Variants in LRRTM4 observed in about 807,000 individuals in gnomAD.
LRRTM4 encodes the protein leucine rich repeat transmembrane neuronal 4.
LRRTM4 carries 25 observed loss-of-function variants against 47.6 expected under a neutral mutation model. That is an observed-to-expected ratio of 0.53 (90% CI 0.38 to 0.73). LRRTM4 has a LOEUF of 0.73. Among genes scored for constraint, LRRTM4 ranks in the 30% least tolerant of loss-of-function variants. LRRTM4 has a pLI of 0.00. For missense variants in LRRTM4, 638 were observed against 713.4 expected, an observed-to-expected ratio of 0.89 and a Z score of 1.20; for synonymous variants, 311 against 269.5, an observed-to-expected ratio of 1.15 and a Z score of -1.51.
At chr2:76,978,350 A>T (rs967057252) in intron 3 of LRRTM4, among the ~76,000 whole-genome samples, 7 of 152,076 alleles carry the variant, frequency 4.6e-5, no homozygotes, top group Non-Finnish European at 1.0e-4. Flanking sequence ...GCTTGGCTTA[A>T]GTTGAAGGAT....
Position 76,826,799 on chromosome 2 carries a change from A to C in LRRTM4, c.1552-77883T>G, listed in dbSNP as rs182216411. ...AGTGTACATTAACCATCCTCTCAAA[A>C]TATCTTCATCTCCTAAGGAAAGCCC... is the stretch of plus-strand genomic sequence containing the variant. On this transcript the variant is annotated intron_variant, in intron 3 of 3. Transcript: ENST00000409884. Among the ~76,000 whole-genome samples the C allele has an allele frequency of 5.1e-3, 775 of 151,932 alleles. 24 individuals are homozygous for C. Among genetic ancestry groups the C allele is most frequent in the Admixed American group, 0.045 (683 of 15,216 alleles).
intron 3 of LRRTM4, among the ~76,000 whole-genome samples, chr2:76,905,462 C>G (rs141217394): frequency 0.01 from 1,575 of 152,234 alleles, 31 homozygotes; most frequent in African/African-American, 0.036. Context: ...TCCAAAGGAT[C>G]GCAGTTCCTC....
At chr2:77,011,538 T>A (rs1325239768) in intron 3 of LRRTM4, among the ~76,000 whole-genome samples, 1 of 58,800 alleles carries the variant, frequency 1.7e-5, no homozygotes, top group Admixed American at 1.9e-4. Context: ...CATTTGTGTG[T>A]GTGTGTGTGT....
chr2:76,785,721 T>G (rs1389145813), intron 3 of LRRTM4, among the ~76,000 whole-genome samples: 1 of 152,196 alleles, frequency 6.6e-6, no homozygotes, highest in East Asian at 1.9e-4. Flanking sequence ...ATGTTGCCAA[T>G]ATTTAGTGGA....
intron 3 of LRRTM4, among the ~76,000 whole-genome samples, chr2:76,750,621 C>A (rs1672818474): frequency 1.3e-5 from 2 of 152,152 alleles, no homozygotes; most frequent in African/African-American, 4.8e-5. Flanking sequence ...CACCAGAGGT[C>A]TTATGGCTCC....
intron 3 of LRRTM4, among the ~76,000 whole-genome samples, chr2:76,805,246 C>G (rs576836707): frequency 6.6e-6 from 1 of 152,126 alleles, no homozygotes; most frequent in South Asian, 2.1e-4. Context: ...GTACAAACAT[C>G]CCAATTGAGA....
At chr2:76,983,420 T>A (rs1219579472) in intron 3 of LRRTM4, among the ~76,000 whole-genome samples, 1 of 151,968 alleles carries the variant, frequency 6.6e-6, no homozygotes, top group Non-Finnish European at 1.5e-5. Context: ...CCCATACTGT[T>A]CTCATGGTAG....
intron 3 of LRRTM4, among the ~76,000 whole-genome samples, chr2:77,071,148 A>G (rs74767544): frequency 0.014 from 2,098 of 152,272 alleles, 53 homozygotes; most frequent in African/African-American, 0.048. Flanking sequence ...CACACCTTCA[A>G]TGCCAAAAAC....
chr2:77,046,052 C>T (rs746402341), intron 3 of LRRTM4, among the ~76,000 whole-genome samples: 31 of 151,948 alleles, frequency 2.0e-4, no homozygotes, highest in Non-Finnish European at 4.1e-4. Context: ...GAACATTCCA[C>T]ATTCTGGATT....
chr2:76,935,826 T>C (rs903824572), intron 3 of LRRTM4, among the ~76,000 whole-genome samples: 4 of 152,186 alleles, frequency 2.6e-5, no homozygotes, highest in African/African-American at 9.6e-5. Context: ...CATTGAATAC[T>C]CTTTATTTCT....
chr2:77,320,757 A>G (rs1677764238), intron 3 of LRRTM4, among the ~76,000 whole-genome samples: 1 of 152,128 alleles, frequency 6.6e-6, no homozygotes, highest in Non-Finnish European at 1.5e-5. Flanking sequence ...TAAAAATATT[A>G]AATACACAGA....
chr2:77,067,789 G>A (rs1024936912), intron 3 of LRRTM4, among the ~76,000 whole-genome samples: 1 of 151,514 alleles, frequency 6.6e-6, no homozygotes, highest in Non-Finnish European at 1.5e-5. Context: ...ACTAATTTCT[G>A]AGCCCAAAGG....
intron 3 of LRRTM4, among the ~76,000 whole-genome samples, chr2:77,343,783 T>A (rs1671461276): frequency 6.6e-6 from 1 of 151,882 alleles, no homozygotes; most frequent in Admixed American, 6.6e-5. Context: ...TAGTTTGTGC[T>A]ATAAGGTAAA....
At chr2:77,450,230 T>C (rs1422005257) in intron 3 of LRRTM4, among the ~76,000 whole-genome samples, 1 of 151,874 alleles carries the variant, frequency 6.6e-6, no homozygotes, top group Admixed American at 6.6e-5. Context: ...TTAGGAGTTA[T>C]ATAATATTAA....
intron 3 of LRRTM4, among the ~76,000 whole-genome samples, chr2:76,782,104 T>A (rs1479771668): frequency 6.6e-6 from 1 of 152,210 alleles, no homozygotes; most frequent in African/African-American, 2.4e-5. Context: ...AGTCCATATG[T>A]ATGCCTTTCT....
chr2:77,226,989 A>G (rs2103962580), intron 3 of LRRTM4, among the ~76,000 whole-genome samples: 1 of 152,096 alleles, frequency 6.6e-6, no homozygotes, highest in South Asian at 2.1e-4. Context: ...ATACTCTACT[A>G]GATGGAAAGT....
intron 3 of LRRTM4, among the ~76,000 whole-genome samples, chr2:77,323,499 T>C (rs575579824): frequency 6.6e-6 from 1 of 152,246 alleles, no homozygotes; most frequent in Admixed American, 6.5e-5. Flanking sequence ...CTTATGCCAG[T>C]TTCATGTAGC....
At chr2:76,781,983 A>G (rs1674420563) in intron 3 of LRRTM4, among the ~76,000 whole-genome samples, 1 of 152,176 alleles carries the variant, frequency 6.6e-6, no homozygotes, top group Non-Finnish European at 1.5e-5. Flanking sequence ...TCTTTCTAAA[A>G]TTGTCAAACC....
At chr2:76,887,348 C>T (rs1435241488) in intron 3 of LRRTM4, among the ~76,000 whole-genome samples, 1 of 151,308 alleles carries the variant, frequency 6.6e-6, no homozygotes, top group Non-Finnish European at 1.5e-5. Flanking sequence ...TTTTCCTAAA[C>T]GTGTATAATT....
Sources: gnomAD v4.1 joint callset for allele counts (sites outside exome capture counted in the v4.1 genomes callset) on GRCh38, gnomAD v4.1.1 for gene constraint, MANE v1.5 for transcripts, NCBI Gene and HGNC (gene_info 2026-07-23, HGNC 2026-07-21) for gene names.